GPHN: variants seen among roughly 807,000 people sequenced by gnomAD.
GPHN encodes the protein gephyrin.
GPHN carries 17 observed loss-of-function variants against 95.5 expected under a neutral mutation model. The ratio of observed to expected loss-of-function variants is 0.18; its 90% CI spans 0.12 to 0.27. GPHN has a LOEUF of 0.27. Ranked by LOEUF, GPHN falls within the 10% of genes least tolerant of loss-of-function variation. GPHN has a pLI of 1.00. For missense variants in GPHN, 660 were observed against 978.1 expected, an observed-to-expected ratio of 0.67 and a Z score of 4.34; for synonymous variants, 320 against 322.5, an observed-to-expected ratio of 0.99 and a Z score of 0.08.
the GPHN span, among the ~76,000 whole-genome samples, chr14:67,714,112 C>T: frequency 6.6e-6 from 1 of 151,992 alleles, no homozygotes; most frequent in Admixed American, 6.6e-5. Flanking sequence ...TTGTAATTTC[C>T]TATTTACTTT....
intron 5 of GPHN, among the ~76,000 whole-genome samples, chr14:66,900,854 G>A (rs2065093343): frequency 6.6e-6 from 1 of 152,036 alleles, no homozygotes; most frequent in Non-Finnish European, 1.5e-5. Flanking sequence ...AAATGTGAGA[G>A]TGCAGATGTC....
the GPHN span, among the ~76,000 whole-genome samples, chr14:67,325,168 G>A: frequency 6.6e-6 from 1 of 152,056 alleles, no homozygotes; most frequent in African/African-American, 2.4e-5. Flanking sequence ...GCCTCCCAAA[G>A]TGCTGGGATT....
At chr14:66,765,933 C>T (rs2058947745) in intron 2 of GPHN, among the ~76,000 whole-genome samples, 1 of 152,134 alleles carries the variant, frequency 6.6e-6, no homozygotes, top group African/African-American at 2.4e-5. Context: ...ATAGAGACTC[C>T]AGTTCCACCT....
In GPHN at chr14:66,524,742, G is replaced by A. The variant is rs377104879; in HGVS notation, c.64+16151G>A. Among the ~76,000 whole-genome samples the A allele has an allele frequency of 3.9e-5, 6 of 152,174 alleles. No individual in the cohort carries two copies. In the South Asian group the frequency reaches 1.2e-3, roughly 32 times the overall value. Reference sequence around the variant, plus strand: ...AACTCCCACTTATGAGTGAGAACATGTGGTGTTTGGTTTTCTGTTCTCGTG... The same window carrying A: ...AACTCCCACTTATGAGTGAGAACATATGGTGTTTGGTTTTCTGTTCTCGTG... On this transcript the variant is annotated intron_variant, in intron 1 of 22. Transcript: ENST00000478722.
the GPHN span, among the ~76,000 whole-genome samples, chr14:67,325,979 CTTT>C: frequency 9.1e-6 from 1 of 110,216 alleles, no homozygotes; most frequent in East Asian, 2.6e-4. Flanking sequence ...CGGCTCTTTT[CTTT>C]TTTTTTTTTT....
chr14:66,687,202 C>T (rs541219865), intron 2 of GPHN, among the ~76,000 whole-genome samples: 1 of 152,178 alleles, frequency 6.6e-6, no homozygotes, highest in East Asian at 1.9e-4. Flanking sequence ...GACAGATCAA[C>T]GAGACAGAAA....
the GPHN span, among the ~76,000 whole-genome samples, chr14:67,536,149 C>T: frequency 6.7e-6 from 1 of 148,872 alleles, no homozygotes; most frequent in Non-Finnish European, 1.5e-5. Flanking sequence ...TATTGAGGTT[C>T]CTGCGGCCTA....
At chr14:67,446,041 T>C in the GPHN span, 3 of 518,546 alleles carry the variant, frequency 5.8e-6, no homozygotes, top group South Asian at 2.8e-5. Flanking sequence ...AATGGCAAGA[T>C]GGGAGGCCCA....
chr14:67,323,390 G>C, the GPHN span, among the ~76,000 whole-genome samples: 5 of 151,582 alleles, frequency 3.3e-5, no homozygotes, highest in African/African-American at 1.2e-4. Flanking sequence ...CAAGGCAGGA[G>C]CATTGCTTGA....
intron 2 of GPHN, among the ~76,000 whole-genome samples, chr14:66,723,990 C>T (rs1204216681): frequency 1.1e-4 from 14 of 131,256 alleles, no homozygotes; most frequent in Admixed American, 8.5e-4. Context: ...CATACATACA[C>T]ACACACACAC....
At chr14:67,539,770 A>G in the GPHN span, among the ~76,000 whole-genome samples, 2 of 152,224 alleles carry the variant, frequency 1.3e-5, no homozygotes, top group East Asian at 3.8e-4. Context: ...CTGTACAATT[A>G]TCTGTAAATT....
At chr14:67,585,816 T>C in the GPHN span, 3 of 1,079,146 alleles carry the variant, frequency 2.8e-6, no homozygotes, top group Admixed American at 4.3e-5. Context: ...TTGTAGATAT[T>C]CAAGATGGAG....
At chr14:66,577,658 C>T (rs975524455) in intron 1 of GPHN, among the ~76,000 whole-genome samples, 5 of 152,116 alleles carry the variant, frequency 3.3e-5, no homozygotes, top group Non-Finnish European at 5.9e-5. Flanking sequence ...CTGATCTTTA[C>T]TGTTCTGATA....
At chr14:66,539,409 C>CT (rs1000117893) in intron 1 of GPHN, among the ~76,000 whole-genome samples, 2,208 of 101,770 alleles carry the variant, frequency 0.022, 61 homozygotes, top group Middle Eastern at 0.043. Flanking sequence ...TTTCTACTTT[C>CT]TTTTTTTTTT....
intron 5 of GPHN, among the ~76,000 whole-genome samples, chr14:66,881,605 TG>T (rs1303837602): frequency 6.6e-6 from 1 of 151,906 alleles, no homozygotes; most frequent in Non-Finnish European, 1.5e-5. Flanking sequence ...ACAGTTTAAA[TG>T]GAGAAATTAT....
At chr14:66,826,096 CAG>C (rs1192217914) in intron 4 of GPHN, among the ~76,000 whole-genome samples, 7 of 151,998 alleles carry the variant, frequency 4.6e-5, no homozygotes, top group African/African-American at 1.5e-4. Flanking sequence ...TTTTTCATAA[CAG>C]AAAAATAGAA....
chr14:67,169,269 C>T, intron 21 of GPHN: 2 of 566,470 alleles, frequency 3.5e-6, no homozygotes, highest in Non-Finnish European at 3.1e-6. Flanking sequence ...ATATACGAGT[C>T]CAGAGAGCAC....
intron 1 of GPHN, among the ~76,000 whole-genome samples, chr14:66,582,739 A>G (rs1194473091): frequency 2.0e-5 from 3 of 152,120 alleles, no homozygotes; most frequent in Non-Finnish European, 2.9e-5. Flanking sequence ...GCAGCATGGT[A>G]TTCCATGGTG....
chr14:67,152,118 G>A (rs2081317748), intron 18 of GPHN, among the ~76,000 whole-genome samples: 1 of 152,068 alleles, frequency 6.6e-6, no homozygotes, highest in Non-Finnish European at 1.5e-5. Context: ...CTTACTCACT[G>A]TACCTCGTTT....
Sources: gnomAD v4.1 joint callset for allele counts (sites outside exome capture counted in the v4.1 genomes callset) on GRCh38, gnomAD v4.1.1 for gene constraint, MANE v1.5 for transcripts, NCBI Gene and HGNC (gene_info 2026-07-23, HGNC 2026-07-21) for gene names.